The following ARFGEF1 variants were observed in gnomAD, a reference collection of about 807,000 sequenced individuals.
The protein encoded by ARFGEF1 is ARF guanine nucleotide exchange factor 1, also known as brefeldin A-inhibited guanine nucleotide-exchange protein 1.
ARFGEF1 carries 42 observed loss-of-function variants against 231.0 expected under a neutral mutation model. The observed-to-expected ratio is 0.18, with a 90% CI of 0.14 to 0.24. ARFGEF1 has a LOEUF of 0.24. ARFGEF1 is among the 10% of genes least tolerant of loss of function. ARFGEF1 has a pLI of 1.00. For missense variants in ARFGEF1, 1,345 were observed against 2,192.0 expected, an observed-to-expected ratio of 0.61 and a Z score of 7.72; for synonymous variants, 710 against 732.3, an observed-to-expected ratio of 0.97 and a Z score of 0.49.
At chr8:67,308,378 A>T (rs1806842843) in intron 1 of ARFGEF1, among the ~76,000 whole-genome samples, 1 of 152,238 alleles carries the variant, frequency 6.6e-6, no homozygotes, top group African/African-American at 2.4e-5. Flanking sequence ...TGGGAGAGAC[A>T]GCTACCTAGA....
intron 5 of ARFGEF1, among the ~76,000 whole-genome samples, chr8:67,184,175 T>G (rs1833788925): frequency 6.6e-6 from 1 of 152,120 alleles, no homozygotes; most frequent in Non-Finnish European, 1.5e-5. Context: ...ATTTTTAAGG[T>G]GCTTAAATTT....
chr8:67,196,913 C>T (rs1280354599), downstream of ARFGEF1, among the ~76,000 whole-genome samples: 2 of 152,062 alleles, frequency 1.3e-5, no homozygotes, highest in African/African-American at 4.8e-5. Context: ...ATGCATTGTT[C>T]AGTAACTGTT....
chr8:67,257,505 A>C (rs1840498755), intron 17 of ARFGEF1, among the ~76,000 whole-genome samples: 1 of 152,234 alleles, frequency 6.6e-6, no homozygotes, highest in Admixed American at 6.5e-5. Flanking sequence ...TACAGTTGTC[A>C]ATCATGAACG....
chr8:67,343,063 G>A, intron 1 of ARFGEF1, 101 bp downstream of exon 1: 2 of 1,359,886 alleles, frequency 1.5e-6, no homozygotes, highest in African/African-American at 1.4e-5. Context: ...GGTCAGAGGC[G>A]CGGGCCTCGG....
At chr8:67,317,580 G>GT (rs1408924370) in intron 1 of ARFGEF1, among the ~76,000 whole-genome samples, 1 of 150,130 alleles carries the variant, frequency 6.7e-6, no homozygotes, top group East Asian at 2.0e-4. Flanking sequence ...ACCCACTGGG[G>GT]TTTATTCTAA....
intron 22 of ARFGEF1, among the ~76,000 whole-genome samples, chr8:67,236,364 AAATATATATATATAT>A (rs1252497631): frequency 6.0e-4 from 22 of 36,754 alleles, no homozygotes; most frequent in East Asian, 1.0e-3. Context: ...AAAAAAAAAA[AAATATATATATATAT>A]ATATATATAT....
chr8:67,310,119 C>T (rs1045055782), intron 1 of ARFGEF1, among the ~76,000 whole-genome samples: 7 of 151,944 alleles, frequency 4.6e-5, no homozygotes, highest in Non-Finnish European at 8.8e-5. Context: ...CCTCTCCCCA[C>T]GGTTTCCCTC....
rs769882482 is a variant in ARFGEF1 at position 67,206,724 on chromosome 8, G to A, written c.4820-1905C>T. Among the ~76,000 whole-genome samples the A allele has an allele frequency of 3.9e-5, 6 of 152,158 alleles. No individual in the cohort carries two copies. In the South Asian group the frequency reaches 6.2e-4, roughly 16 times the overall value. On this transcript the variant is annotated intron_variant, in intron 34 of 38. Transcript: ENST00000262215. ...GCAGCCCAGGGGACCCAGACCACACGGCCACGCCTCCATCTCAGATTCTCA... is the reference window on the plus strand; with the variant it reads ...GCAGCCCAGGGGACCCAGACCACACAGCCACGCCTCCATCTCAGATTCTCA...
Position 67,198,025 on chromosome 8 carries a change from A to C in ARFGEF1, c.*909T>G. 2.0e-6 allele frequency: 2 copies of C among 985,856 alleles called. No individual in the cohort carries two copies. The highest frequency in any genetic ancestry group is 2.4e-6 in the Non-Finnish European group (2 of 829,926). The allele number at this position is 985,856 out of a possible 1,614,324, so 61.1% of individuals were successfully genotyped here. ...CCCAAAAGAAAAGAAAATGACAGCA[A>C]TCTGGATTCATTTTGCAGTGATTCA... is the stretch of plus-strand genomic sequence containing the variant. On this transcript the variant is annotated 3_prime_UTR_variant, in exon 39 of 39. Transcript: ENST00000262215.
At chr8:67,311,348 C>T (rs1763332146) in intron 1 of ARFGEF1, among the ~76,000 whole-genome samples, 1 of 128,460 alleles carries the variant, frequency 7.8e-6, no homozygotes, top group African/African-American at 3.0e-5. Context: ...GGCGCCTCTG[C>T]CCGGCCGCCC....
At chr8:67,308,979 C>T (rs1806870679) in intron 1 of ARFGEF1, among the ~76,000 whole-genome samples, 1 of 151,910 alleles carries the variant, frequency 6.6e-6, no homozygotes, top group Admixed American at 6.6e-5. Context: ...GTCACAGTAG[C>T]GAAGATATGG....
Position 67,198,367 on chromosome 8 carries a change from GT to G in ARFGEF1, c.*566del. The stretch of plus-strand genomic sequence containing the variant: ...AACAGTGCAGGAAGAACTATATAAT[GT>G]TTTAAGATTTTTATATTACAGACCT... On this transcript the variant is annotated 3_prime_UTR_variant, in exon 39 of 39. Coordinates refer to ENST00000262215, the MANE Select transcript of ARFGEF1 (RefSeq NM_006421.5). 1 of 984,758 alleles carries G rather than the reference GT, an allele frequency of 1.0e-6. No individual in the cohort carries two copies. Among genetic ancestry groups the G allele is most frequent in the Non-Finnish European group, 1.2e-6 (1 of 828,978 alleles). 61.0% of individuals were successfully genotyped at this position (984,758 alleles called of 1,614,324 possible).
chr8:67,194,717 G>A (rs1281796331), downstream of ARFGEF1, among the ~76,000 whole-genome samples: 1 of 151,010 alleles, frequency 6.6e-6, no homozygotes, highest in Non-Finnish European at 1.5e-5. Context: ...TGATATCACA[G>A]GGTAGGAAGA....
At position 67,197,785 on chromosome 8, in the gene ARFGEF1, G is replaced by A. The variant is rs1448779422; in HGVS notation, c.*1149C>T. ...TTTTTACATAGAAAACTTTACATCT[G>A]TACCATATACATTTTGTCCATCTGA... On this transcript the variant is annotated 3_prime_UTR_variant, in exon 39 of 39. Coordinates refer to ENST00000262215, the MANE Select transcript of ARFGEF1 (RefSeq NM_006421.5). The A allele has an allele frequency of 1.0e-6, 1 of 985,626 alleles. No homozygotes were observed. Among genetic ancestry groups the A allele is most frequent in the Non-Finnish European group, 1.2e-6 (1 of 829,888 alleles). The allele number at this position is 985,626 out of a possible 1,614,324, so 61.1% of individuals were successfully genotyped here.
chr8:67,178,264 C>A (rs1362695942), intron 5 of ARFGEF1, among the ~76,000 whole-genome samples: 1 of 152,046 alleles, frequency 6.6e-6, no homozygotes, highest in Non-Finnish European at 1.5e-5. Flanking sequence ...GTGTTGAGGT[C>A]TACAAAGAAA....
chr8:67,184,098 C>T (rs1034459570), intron 5 of ARFGEF1, among the ~76,000 whole-genome samples: 2 of 152,032 alleles, frequency 1.3e-5, no homozygotes, highest in Non-Finnish European at 1.5e-5. Flanking sequence ...GGTGATCCCC[C>T]GGCCTTGGCC....
chr8:67,330,562 C>T (rs1808054365), intron 1 of ARFGEF1, among the ~76,000 whole-genome samples: 1 of 152,152 alleles, frequency 6.6e-6, no homozygotes, highest in Non-Finnish European at 1.5e-5. Flanking sequence ...TAACTATAGA[C>T]ACAGAGCTGT....
chr8:67,277,238 A>G (rs1277664502), intron 8 of ARFGEF1, 44 bp downstream of exon 8: 1 of 1,580,652 alleles, frequency 6.3e-7, no homozygotes, highest in Non-Finnish European at 8.6e-7. Context: ...ATAAATTTGT[A>G]AGATTAACAG....
intron 35 of ARFGEF1, 78 bp from the exon 36 acceptor site, chr8:67,203,329 A>G: frequency 6.6e-7 from 1 of 1,504,958 alleles, no homozygotes; most frequent in Non-Finnish European, 9.0e-7. Context: ...TGCTCCCCAA[A>G]GACCAGTTTT....
Sources: gnomAD v4.1 joint callset for allele counts (sites outside exome capture counted in the v4.1 genomes callset) on GRCh38, gnomAD v4.1.1 for gene constraint, MANE v1.5 for transcripts, NCBI Gene and HGNC (gene_info 2026-07-23, HGNC 2026-07-21) for gene names.